The following RASGRF2 variants were observed in gnomAD, a reference collection of about 807,000 sequenced individuals.
RASGRF2 encodes ras-specific guanine nucleotide-releasing factor 2.
Under a neutral mutation model 151.0 loss-of-function variants are expected in RASGRF2, and 76 were observed. The observed-to-expected ratio is 0.50, with a 90% CI of 0.42 to 0.61. RASGRF2 has a LOEUF of 0.61. RASGRF2 is among the 20% of genes least tolerant of loss of function. RASGRF2 has a pLI of 0.00. For missense variants in RASGRF2, 1,148 were observed against 1,564.6 expected, an observed-to-expected ratio of 0.73 and a Z score of 4.49; for synonymous variants, 504 against 566.5, an observed-to-expected ratio of 0.89 and a Z score of 1.57.
intron 15 of RASGRF2, chr5:81,114,991 G>A (rs760726111): frequency 2.0e-5 from 3 of 152,120 alleles, no homozygotes; most frequent in Non-Finnish European, 4.4e-5. Context: ...AAAGTCCAAT[G>A]TTTCTGTAAT....
intron 1 of RASGRF2, among the ~76,000 whole-genome samples, chr5:81,025,891 G>A (rs1423071593): frequency 1.3e-5 from 2 of 149,312 alleles, no homozygotes; most frequent in African/African-American, 2.4e-5. Flanking sequence ...TACCTATTTG[G>A]TAACCTGTTT....
rs764735457 is a variant in RASGRF2, at chr5:81,212,432, G to A, written c.3223G>A (p.Glu1075Lys). The A allele has an allele frequency of 4.3e-6, 7 of 1,613,818 alleles. No homozygotes were observed. Among genetic ancestry groups the A allele is most frequent in the Admixed American group, 1.7e-5 (1 of 59,978 alleles). The change falls in exon 23 of 27, where the codon GAG becomes AAG. Residue 1075 changes from glutamate to lysine, a missense_variant. Glu to Lys is a moderately conservative substitution (Grantham distance 56). Around this residue, in one of 5 missense-constraint regions of RASGRF2, gnomAD observed 646 missense variants for 807.4 expected, o/e 0.80. Transcript: ENST00000265080. ...TGTCAGCTCCCGTGCCAACGCCATC[G>A]AGAAATGGGTGGCAGTGGCGGACAT... ...ADVSSRANAI[E>K]KWVAVADICR...
chr5:81,073,121 A>T (rs1751828922), intron 4 of RASGRF2, 78 bp from the exon 5 acceptor site: 2 of 1,475,402 alleles, frequency 1.4e-6, no homozygotes, highest in South Asian at 2.7e-5. Flanking sequence ...TTGATTTTTA[A>T]TTATATTTCA....
chr5:81,123,109 G>A (rs537556621), intron 15 of RASGRF2, among the ~76,000 whole-genome samples: 1 of 152,256 alleles, frequency 6.6e-6, no homozygotes, highest in East Asian at 1.9e-4. Flanking sequence ...TTTAACTTTA[G>A]TTAATGTAAA....
At chr5:80,975,931 G>A (rs546781317) in intron 1 of RASGRF2, among the ~76,000 whole-genome samples, 12 of 145,474 alleles carry the variant, frequency 8.2e-5, no homozygotes, top group African/African-American at 3.2e-4. Context: ...TCCAACCTCC[G>A]CCTCCCAGGT....
chr5:81,026,162 C>T (rs1258863948), intron 1 of RASGRF2, among the ~76,000 whole-genome samples: 1 of 102,254 alleles, frequency 9.8e-6, no homozygotes, highest in African/African-American at 3.3e-5. Flanking sequence ...CTCCCTCCCT[C>T]TCTTCCTCCC....
At chr5:80,975,014 A>T (rs567626560) in intron 1 of RASGRF2, among the ~76,000 whole-genome samples, 4 of 152,222 alleles carry the variant, frequency 2.6e-5, no homozygotes, top group Non-Finnish European at 5.9e-5. Flanking sequence ...TAATTTCTAA[A>T]GTATAGCCTT....
chr5:81,165,666 C>T (rs1216538239), intron 17 of RASGRF2, among the ~76,000 whole-genome samples: 1 of 152,208 alleles, frequency 6.6e-6, no homozygotes, highest in Non-Finnish European at 1.5e-5. Flanking sequence ...CTGCTCTAGG[C>T]CATGTGTCCT....
At chr5:81,146,266 C>G (rs1580357561) in intron 17 of RASGRF2, among the ~76,000 whole-genome samples, 1 of 152,262 alleles carries the variant, frequency 6.6e-6, no homozygotes, top group South Asian at 2.1e-4. Context: ...CCAGTCTATT[C>G]TGCAAACTGA....
chr5:81,092,983 T>G, intron 10 of RASGRF2, 22 bp downstream of exon 10: 1 of 1,579,326 alleles, frequency 6.3e-7, no homozygotes, highest in African/African-American at 1.4e-5. Flanking sequence ...CCATAACTGT[T>G]CCATTTATCT....
intron 17 of RASGRF2, among the ~76,000 whole-genome samples, chr5:81,151,311 C>T (rs1754129197): frequency 6.6e-6 from 1 of 151,476 alleles, no homozygotes; most frequent in South Asian, 2.1e-4. Context: ...ACTGCAAGTA[C>T]AGTACATGTC....
At chr5:81,080,236 T>C in intron 6 of RASGRF2, 36 bp downstream of exon 6, 1 of 1,579,570 alleles carries the variant, frequency 6.3e-7, no homozygotes, top group Non-Finnish European at 8.5e-7. Flanking sequence ...GATTTTCTTT[T>C]AGAGTGGCTG....
At chr5:81,220,577 C>T (rs1008661899) in intron 26 of RASGRF2, among the ~76,000 whole-genome samples, 6 of 152,190 alleles carry the variant, frequency 3.9e-5, no homozygotes, top group Admixed American at 2.0e-4. Context: ...CTCCACCTCC[C>T]GGGTTCATGC....
intron 3 of RASGRF2, among the ~76,000 whole-genome samples, chr5:81,069,496 G>A (rs26907): frequency 0.15 from 23,350 of 152,194 alleles, 1,912 homozygotes; most frequent in Admixed American, 0.24. Flanking sequence ...TTTACTCCAC[G>A]AGAGAAGCTC....
chr5:81,219,253 A>G (rs2112747764), intron 25 of RASGRF2, among the ~76,000 whole-genome samples: 1 of 151,998 alleles, frequency 6.6e-6, no homozygotes. Context: ...TAATTTTTGT[A>G]TTATTAGTAG....
At chr5:81,013,138 C>A (rs546467425) in intron 1 of RASGRF2, among the ~76,000 whole-genome samples, 1 of 152,294 alleles carries the variant, frequency 6.6e-6, no homozygotes, top group East Asian at 1.9e-4. Context: ...CTCTAGCAGG[C>A]AGTTTACTTG....
intron 25 of RASGRF2, 151 bp downstream of exon 25, chr5:81,217,624 G>A (rs548903106): frequency 1.6e-6 from 1 of 622,188 alleles, no homozygotes; most frequent in Non-Finnish European, 2.4e-6. Context: ...CTATCGCCCA[G>A]GCTGGAGTGC....
intron 1 of RASGRF2, among the ~76,000 whole-genome samples, chr5:80,976,517 A>G (rs2058719827): frequency 6.6e-6 from 1 of 152,238 alleles, no homozygotes; most frequent in Non-Finnish European, 1.5e-5. Context: ...CATCGGAACT[A>G]GTATACATAA....
At chr5:81,219,924 TAA>T (rs34019036) in intron 26 of RASGRF2, 146 bp downstream of exon 26, 8,119 of 356,516 alleles carry the variant, frequency 0.023, no homozygotes, top group East Asian at 0.029. Context: ...CTAGTCTGAT[TAA>T]AAAAAAAAAA....
Sources: gnomAD v4.1 joint callset for allele counts (sites outside exome capture counted in the v4.1 genomes callset) on GRCh38, gnomAD v4.1.1 for gene constraint, gnomAD v4.1.1 regional missense constraint, MANE v1.5 for transcripts, NCBI Gene and HGNC (gene_info 2026-07-23, HGNC 2026-07-21) for gene names.